Variants in VEPH1 observed in about 807,000 individuals in gnomAD.
The protein encoded by VEPH1 is ventricular zone expressed PH domain containing 1, also known as ventricular zone-expressed PH domain-containing protein homolog 1.
Under a neutral mutation model 85.2 loss-of-function variants are expected in VEPH1, and 80 were observed. The observed-to-expected ratio is 0.94, with a 90% CI of 0.78 to 1.13. The LOEUF is 1.13. Ranked by LOEUF, VEPH1 falls within the 50% of genes most tolerant of loss-of-function variation. VEPH1 has a pLI of 0.00. For missense variants in VEPH1, 955 were observed against 980.5 expected (o/e 0.97, Z 0.35); for synonymous variants, 297 against 348.0 (o/e 0.85, Z 1.63).
chr3:157,363,842 A>C, intron 8 of VEPH1, 81 bp from the exon 9 acceptor site: 1 of 1,488,656 alleles, frequency 6.7e-7, no homozygotes, highest in Non-Finnish European at 9.0e-7. Context: ...TAATATTGGG[A>C]CAAAAAGTTA....
At position 157,470,502 on chromosome 3, in the gene VEPH1, C is replaced by A. The variant is rs757344143; in HGVS notation, c.166G>T (p.Ala56Ser). The A allele has an allele frequency of 5.6e-6, 9 of 1,614,016 alleles. No homozygotes were observed. The Admixed American group carries it at 1.5e-4, about 27-fold the overall frequency. ...SDYQTNNNDQ[A>S]VVEICITRIT... is the part of the protein sequence containing the mutation. ...CTTGTGATACAGATTTCAACTACTG[C>A]CTGGTCATTGTTATTGGTTTGGTAA... The change falls in exon 3 of 14, where the codon GCA (alanine) becomes TCA (serine). Residue 56 changes from alanine (A) to serine (S), a missense_variant. Transcript: ENST00000362010.
chr3:157,489,054 C>A (rs1057253177), intron 2 of VEPH1: 2 of 453,192 alleles, frequency 4.4e-6, no homozygotes, highest in African/African-American at 2.0e-5. Flanking sequence ...TGAACACTTA[C>A]CACCACCACT....
At chr3:157,426,748 C>T (rs369227212) in intron 5 of VEPH1, among the ~76,000 whole-genome samples, 33 of 151,480 alleles carry the variant, frequency 2.2e-4, no homozygotes, top group Middle Eastern at 3.5e-3. Context: ...AACTGCATGA[C>T]GACATTAAAC....
chr3:157,436,851 C>T (rs1364870422), intron 4 of VEPH1: 7 of 1,482,564 alleles, frequency 4.7e-6, no homozygotes, highest in African/African-American at 1.4e-5. Context: ...CAGCCTCTCA[C>T]TCTCACTCTC....
chr3:157,413,987 A>G lies in VEPH1; in HGVS notation c.800T>C (p.Val267Ala), dbSNP rs1731712512. ...ILIEIAVYEP[V>A]ALNSFLPMLK... ...CATTGGAAGAAAACTGTTCAAAGCC[A>G]CTGGCTCATAGACTGCTATCTCTAT... The change falls in exon 6 of 14, where the codon GTG becomes GCG. Residue 267 changes from valine to alanine, a missense_variant. Val to Ala is a moderately conservative substitution (Grantham distance 64, BLOSUM62 0). Transcript: ENST00000362010. 3 of 1,613,550 alleles carry G rather than the reference A, an allele frequency of 1.9e-6. No individual in the cohort carries two copies. The highest frequency in any genetic ancestry group is 1.3e-5 in the African/African-American group (1 of 74,884).
At chr3:157,285,018 A>G (rs1009715133) in intron 12 of VEPH1, 1 of 152,206 alleles carries the variant, frequency 6.6e-6, no homozygotes, top group African/African-American at 2.4e-5. Context: ...ATGATTAAAT[A>G]TTTATCAAAC....
chr3:157,295,090 G>T (rs1251562077), intron 11 of VEPH1, among the ~76,000 whole-genome samples: 4 of 152,110 alleles, frequency 2.6e-5, no homozygotes, highest in Non-Finnish European at 5.9e-5. Context: ...CATTGTCAAG[G>T]TTCCTTGCCT....
chr3:157,342,049 T>C (rs1411763756), intron 9 of VEPH1, among the ~76,000 whole-genome samples: 1 of 152,148 alleles, frequency 6.6e-6, no homozygotes, highest in Non-Finnish European at 1.5e-5. Flanking sequence ...AACAAACAAC[T>C]GCTACCAGCC....
At chr3:157,398,752 C>T (rs1195529529) in intron 6 of VEPH1, among the ~76,000 whole-genome samples, 1 of 152,116 alleles carries the variant, frequency 6.6e-6, no homozygotes, top group Non-Finnish European at 1.5e-5. Flanking sequence ...CCGACAGCAT[C>T]CCTATTTGCC....
At chr3:157,385,999 G>T (rs1729248792) in intron 6 of VEPH1, among the ~76,000 whole-genome samples, 1 of 152,032 alleles carries the variant, frequency 6.6e-6, no homozygotes, top group South Asian at 2.1e-4. Flanking sequence ...TTTCACCACT[G>T]ATCTCATCAG....
intron 5 of VEPH1, among the ~76,000 whole-genome samples, chr3:157,427,135 G>A (rs780078628): frequency 1.4e-4 from 21 of 151,732 alleles, no homozygotes; most frequent in African/African-American, 5.1e-4. Context: ...TAACATTCAC[G>A]CACCACCATG....
chr3:157,343,615 C>T, intron 9 of VEPH1, among the ~76,000 whole-genome samples: 1 of 152,178 alleles, frequency 6.6e-6, no homozygotes, highest in East Asian at 1.9e-4. Context: ...GGAGCTGGTA[C>T]CATTCCTTCT....
At chr3:157,469,296 G>T (rs553942446) in intron 3 of VEPH1, among the ~76,000 whole-genome samples, 40 of 152,240 alleles carry the variant, frequency 2.6e-4, no homozygotes, top group Non-Finnish European at 4.7e-4. Flanking sequence ...GGTAAAATAT[G>T]ATCCAGTTAA....
chr3:157,495,471 T>C lies in VEPH1; in HGVS notation c.-122A>G. The C allele has an allele frequency of 6.7e-7, 1 of 1,501,950 alleles. No individual in the cohort carries two copies. Among genetic ancestry groups the C allele is most frequent in the Non-Finnish European group, 8.9e-7 (1 of 1,127,848 alleles). The allele number at this position is 1,501,950 out of a possible 1,614,324, so 93.0% of individuals were successfully genotyped here. A position where few individuals can be genotyped will look rare whatever the true frequency, so the allele number is the denominator to read the frequency against. On this transcript the variant is annotated 5_prime_UTR_variant, in exon 2 of 14. The change abolishes an upstream ATG in the 5' untranslated region. Transcript: ENST00000362010. ...ATACTTCTTATTCCATGAAAGGTCA[T>C]TTTTCTCCAGACTTTGAGGTCTTCA... is the stretch of plus-strand genomic sequence containing the variant.
rs769601724 is a variant in VEPH1, at chr3:157,381,322, G to A, written c.961C>T (p.His321Tyr). ...YLVSQLANME[H>Y]SFHHILLLEI... is the part of the protein sequence containing the mutation. ...AGCAGGAGAATATGGTGAAACGAAT[G>A]CTCCATGTTGGCCAGTTGGCTCACC... The change falls in exon 7 of 14, where the codon CAT becomes TAT. Residue 321 changes from histidine (H) to tyrosine (Y), a missense_variant. Transcript: ENST00000362010. 1.2e-6 allele frequency: 2 copies of A among 1,614,208 alleles called. No homozygotes were observed. Among genetic ancestry groups the A allele is most frequent in the Non-Finnish European group, 1.7e-6 (2 of 1,180,034 alleles).
chr3:157,475,744 A>G (rs1737406179), intron 2 of VEPH1, among the ~76,000 whole-genome samples: 1 of 152,170 alleles, frequency 6.6e-6, no homozygotes, highest in South Asian at 2.1e-4. Flanking sequence ...TGAAATTCAA[A>G]ATTTGACTTC....
chr3:157,375,970 C>A (rs1728052697), intron 7 of VEPH1, among the ~76,000 whole-genome samples: 1 of 152,146 alleles, frequency 6.6e-6, no homozygotes, highest in Non-Finnish European at 1.5e-5. Context: ...TTCTTTTTCC[C>A]CCATGACTTT....
At chr3:157,410,668 G>C (rs1731463748) in intron 6 of VEPH1, among the ~76,000 whole-genome samples, 1 of 152,118 alleles carries the variant, frequency 6.6e-6, no homozygotes, top group African/African-American at 2.4e-5. Flanking sequence ...CTTTCTTACA[G>C]TAATATTTCA....
intron 9 of VEPH1, among the ~76,000 whole-genome samples, chr3:157,362,466 T>G (rs1726155605): frequency 6.6e-6 from 1 of 152,226 alleles, no homozygotes; most frequent in Non-Finnish European, 1.5e-5. Context: ...ACTGGCTTCT[T>G]TCTTTTAAGC....
Sources: allele counts gnomAD v4.1 joint callset (sites outside exome capture counted in the v4.1 genomes callset), GRCh38; gene constraint gnomAD v4.1.1; transcripts MANE v1.5; gene names NCBI Gene and HGNC (gene_info 2026-07-23, HGNC 2026-07-21).